The following PWP1 variants were observed in gnomAD, a reference collection of about 807,000 sequenced individuals.
PWP1 encodes the protein periodic tryptophan protein 1 homolog.
PWP1 carries 47 observed loss-of-function variants against 69.9 expected under a neutral mutation model. The ratio of observed to expected loss-of-function variants is 0.67; its 90% CI spans 0.53 to 0.86. The LOEUF is 0.86. Among genes scored for constraint, PWP1 ranks in the 40% least tolerant of loss-of-function variants. The pLI is 0.00. For synonymous variants in PWP1, 222 were observed against 208.2 expected (o/e 1.07, Z -0.57); for missense variants, 551 against 608.8 (o/e 0.91, Z 1.00).
chr12:107,696,530 T>C lies in PWP1; in HGVS notation c.559T>C (p.Tyr187His). 1 of 1,614,184 alleles carries C rather than the reference T, an allele frequency of 6.2e-7. No homozygotes were observed. The highest frequency in any genetic ancestry group is 8.5e-7 in the Non-Finnish European group (1 of 1,180,014). The change falls in exon 6 of 15, where the codon TAT becomes CAT. Residue 187 changes from tyrosine (Y) to histidine (H), a missense_variant. Physicochemically the swap from Tyr to His is moderately conservative, Grantham distance 83. Coordinates refer to ENST00000412830, the MANE Select transcript of PWP1 (RefSeq NM_007062.3). ...ACACCATGATATACTCTTGTCTGCA[T>C]ATCCTCTGAGTGTGGAATGGCTGAA... ...YVHHDILLSA[Y>H]PLSVEWLNFD...
chr12:107,704,650 A>G lies in PWP1; in HGVS notation c.980A>G (p.Tyr327Cys). The G allele has an allele frequency of 6.2e-7, 1 of 1,613,940 alleles. No individual in the cohort carries two copies. The highest frequency in any genetic ancestry group is 8.5e-7 in the Non-Finnish European group (1 of 1,179,858). Reference sequence around the variant, plus strand: ...AATGTGTCTAGGTCAGTGGCTTTGTATGACTGCCGAAGTCCAGATGAAAGC... The same window carrying G: ...AATGTGTCTAGGTCAGTGGCTTTGTGTGACTGCCGAAGTCCAGATGAAAGC... ...SGSYDKSVAL[Y>C]DCRSPDESHR... The change falls in exon 11 of 15, where the codon TAT becomes TGT. Residue 327 changes from tyrosine to cysteine, a missense_variant. Physicochemically the swap from Tyr to Cys is radical, Grantham distance 194. Coordinates refer to ENST00000412830, the MANE Select transcript of PWP1 (RefSeq NM_007062.3).
At chr12:107,693,178 T>C in intron 5 of PWP1, 82 bp downstream of exon 5, 1 of 1,500,564 alleles carries the variant, frequency 6.7e-7, no homozygotes, top group Middle Eastern at 1.8e-4. Flanking sequence ...CATTTTTAGG[T>C]GCCAGATCCT....
chr12:107,702,130 T>C (rs769626726), intron 8 of PWP1, among the ~76,000 whole-genome samples: 6 of 152,346 alleles, frequency 3.9e-5, no homozygotes, highest in Middle Eastern at 3.4e-3. Context: ...GTGATTGCTG[T>C]AGATTTTCAG....
At chr12:107,697,144 T>C (rs1451442139) in intron 6 of PWP1, among the ~76,000 whole-genome samples, 1 of 152,100 alleles carries the variant, frequency 6.6e-6, no homozygotes, top group Non-Finnish European at 1.5e-5. Context: ...CAGCACCCCA[T>C]GAAGGAGGAC....
intron 11 of PWP1, among the ~76,000 whole-genome samples, chr12:107,707,934 A>G (rs1433724951): frequency 6.6e-6 from 1 of 151,800 alleles, no homozygotes; most frequent in Admixed American, 6.6e-5. Flanking sequence ...TAGGGGGGAA[A>G]GAGTTTTTTA....
chr12:107,696,116 T>G (rs1190999310), intron 5 of PWP1, among the ~76,000 whole-genome samples: 1 of 135,268 alleles, frequency 7.4e-6, no homozygotes, highest in African/African-American at 2.7e-5. Flanking sequence ...CACTGCAACC[T>G]CCACCTCCCA....
chr12:107,689,302 TGATTCCTAGGTACATATAGG>T (rs1451175241), intron 3 of PWP1, among the ~76,000 whole-genome samples: 1 of 152,248 alleles, frequency 6.6e-6, no homozygotes, highest in Admixed American at 6.5e-5. Context: ...TATCATTATT[TGATTCCTAGGTACATATAGG>T]AAAAACATAA....
At position 107,697,519 on chromosome 12, in the gene PWP1, T is replaced by C. The variant is rs1889614429; in HGVS notation, c.666T>C (p.Leu222=). 2 of 1,608,184 alleles carry C rather than the reference T, an allele frequency of 1.2e-6. No individual in the cohort carries two copies. Among genetic ancestry groups the C allele is most frequent in the African/African-American group, 2.7e-5 (2 of 74,516 alleles). ...NMTPVIEVWD[L]DIVDSLEPVF... ...CCCCTGTTATTGAAGTGTGGGACCT[T>C]GATATAGTGGACTCTTTAGAGCCAG... Residue 222 remains leucine (L), a synonymous_variant, in exon 7 of 15, where the codon CTT becomes CTC. Transcript: ENST00000412830.
chr12:107,709,223 C>T lies in PWP1; in HGVS notation c.1281C>T (p.Asp427=), dbSNP rs977430088. 16 of 1,613,124 alleles carry T rather than the reference C, an allele frequency of 9.9e-6. No individual in the cohort carries two copies. In the African/African-American group the frequency reaches 2.0e-4, roughly 20 times the overall value. ...GDRPSLVHSR[D]MKMGVLFCSS... is the part of the protein sequence containing the mutation. The stretch of plus-strand genomic sequence containing the variant: ...GGCCAAGTCTAGTTCATTCTAGGGA[C>T]ATGAAAATGGTAAGAATCTCCCTGG... Residue 427 remains aspartate (D), a synonymous_variant, in exon 13 of 15, where the codon GAC becomes GAT. Coordinates refer to ENST00000412830, the MANE Select transcript of PWP1 (RefSeq NM_007062.3).
chr12:107,695,281 A>C (rs1316088976), intron 5 of PWP1, among the ~76,000 whole-genome samples: 1 of 151,810 alleles, frequency 6.6e-6, no homozygotes, highest in African/African-American at 2.4e-5. Context: ...AAAAAAAGTT[A>C]TTACCAATTT....
chr12:107,702,964 A>T lies in PWP1; in HGVS notation c.836A>T (p.Asn279Ile). The change falls in exon 9 of 15, where the codon AAC (asparagine) becomes ATC (isoleucine). Residue 279 changes from asparagine (N) to isoleucine (I), a missense_variant. By Grantham distance (149) the Asn-to-Ile change is moderately radical. Coordinates refer to ENST00000412830, the MANE Select transcript of PWP1 (RefSeq NM_007062.3). ...GTTTTAGCAAGTGCATCAGCTGACA[A>T]CACTGTAATTCTGTGGGATATGTCC... Reference protein sequence around the residue: ...RNVLASASADNTVILWDMSLG... With the variant: ...RNVLASASADITVILWDMSLG... The T allele has an allele frequency of 6.2e-7, 1 of 1,611,342 alleles. No individual in the cohort carries two copies. Among genetic ancestry groups the T allele is most frequent in the South Asian group, 1.1e-5 (1 of 91,020 alleles).
chr12:107,699,114 C>T (rs769828108), intron 7 of PWP1, among the ~76,000 whole-genome samples: 12 of 152,120 alleles, frequency 7.9e-5, no homozygotes, highest in African/African-American at 1.2e-4. Context: ...TAAAAATTAG[C>T]TGGGCATGGT....
intron 11 of PWP1, 93 bp from the exon 12 acceptor site, chr12:107,708,833 T>C: frequency 8.8e-7 from 1 of 1,135,944 alleles, no homozygotes; most frequent in Non-Finnish European, 1.3e-6. Context: ...CACCAGTAAG[T>C]CATATAGCTG....
intron 11 of PWP1, among the ~76,000 whole-genome samples, chr12:107,705,652 C>A (rs546461226): frequency 2.0e-5 from 3 of 151,572 alleles, no homozygotes; most frequent in Non-Finnish European, 4.4e-5. Context: ...AGATAGTTTT[C>A]TGAGAATGAT....
chr12:107,709,133 C>T lies in PWP1; in HGVS notation c.1191C>T (p.Ile397=). Residue 397 remains isoleucine, a synonymous_variant, in exon 13 of 15, where the codon ATC becomes ATT. Transcript: ENST00000412830. The stretch of plus-strand genomic sequence containing the variant: ...TAGGTCTTGATCTTAGCAGTCAAAT[C>T]AAGGGCTGTCTCGTGACTGCTTCAG... The part of the protein sequence containing the change: ...EISGLDLSSQ[I]KGCLVTASAD... 2 of 1,613,942 alleles carry T rather than the reference C, an allele frequency of 1.2e-6. No individual in the cohort carries two copies. The highest frequency in any genetic ancestry group is 8.5e-7 in the Non-Finnish European group (1 of 1,179,916).
intron 3 of PWP1, among the ~76,000 whole-genome samples, chr12:107,690,465 C>T (rs1223048810): frequency 6.6e-6 from 1 of 151,994 alleles, no homozygotes; most frequent in Non-Finnish European, 1.5e-5. Context: ...AAATAATATA[C>T]TTTTTTTTGT....
At chr12:107,692,162 T>G (rs536128756) in intron 3 of PWP1, among the ~76,000 whole-genome samples, 1 of 152,358 alleles carries the variant, frequency 6.6e-6, no homozygotes. Context: ...ATCAGATGTT[T>G]AAGACCTATC....
intron 7 of PWP1, among the ~76,000 whole-genome samples, chr12:107,698,528 T>TA (rs1013346094): frequency 3.3e-5 from 5 of 152,142 alleles, no homozygotes; most frequent in Non-Finnish European, 5.9e-5. Context: ...ATTTTGTCTC[T>TA]AAAAAAATAA....
chr12:107,696,497 T>C lies in PWP1; in HGVS notation c.526T>C (p.Phe176Leu). 1 of 1,613,960 alleles carries C rather than the reference T, an allele frequency of 6.2e-7. No homozygotes were observed. The highest frequency in any genetic ancestry group is 8.5e-7 in the Non-Finnish European group (1 of 1,179,918). ...VHVYNQEEDSFYVHHDILLSA... is the reference protein window; with the variant it reads ...VHVYNQEEDSLYVHHDILLSA... The stretch of plus-strand genomic sequence containing the variant: ...AGTTTATAATCAAGAAGAAGACTCT[T>C]TTTATGTACACCATGATATACTCTT... Residue 176 changes from phenylalanine (F) to leucine (L), a missense_variant, in exon 6 of 15, where the codon TTT becomes CTT. Phe to Leu is a conservative substitution (Grantham distance 22). Coordinates refer to ENST00000412830, the MANE Select transcript of PWP1 (RefSeq NM_007062.3).
Sources: gnomAD v4.1 joint callset for allele counts (sites outside exome capture counted in the v4.1 genomes callset) on GRCh38, gnomAD v4.1.1 for gene constraint, MANE v1.5 for transcripts, NCBI Gene and HGNC (gene_info 2026-07-23, HGNC 2026-07-21) for gene names.